The following ITGAM variants were observed in gnomAD, a reference collection of about 807,000 sequenced individuals.
The protein encoded by ITGAM is integrin alpha-M.
Under a neutral mutation model 137.5 loss-of-function variants are expected in ITGAM, and 79 were observed. That is an observed-to-expected ratio of 0.57 (90% CI 0.48 to 0.69). The LOEUF (loss-of-function observed/expected upper bound fraction) is 0.69. Ranked by LOEUF, ITGAM falls within the 30% of genes least tolerant of loss-of-function variation. The pLI, the probability that ITGAM is intolerant of heterozygous loss-of-function variation, is 0.00. For missense variants in ITGAM, 1,343 were observed against 1,483.5 expected (o/e 0.91, Z 1.56); for synonymous variants, 583 against 592.3 (o/e 0.98, Z 0.23).
At chr16:31,329,536 C>T (rs993488770) in intron 24 of ITGAM, among the ~76,000 whole-genome samples, 5 of 152,180 alleles carry the variant, frequency 3.3e-5, no homozygotes, top group South Asian at 2.1e-4. Flanking sequence ...CTGTCATGAT[C>T]CCCAGTTTAC....
At chr16:31,328,004 C>T in intron 22 of ITGAM, 143 bp from the exon 23 acceptor site, 1 of 672,844 alleles carries the variant, frequency 1.5e-6, no homozygotes. Flanking sequence ...TAGGCGGGGG[C>T]AGGGGTTGGA....
intron 2 of ITGAM, among the ~76,000 whole-genome samples, chr16:31,262,000 TC>T (rs1413481194): frequency 1.3e-5 from 2 of 152,122 alleles, no homozygotes; most frequent in Non-Finnish European, 2.9e-5. Flanking sequence ...CTTACTCCCT[TC>T]CCCTAGTTCC....
At chr16:31,329,342 G>A (rs1334014963) in intron 24 of ITGAM, 39 bp downstream of exon 24, 6 of 1,429,104 alleles carry the variant, frequency 4.2e-6, no homozygotes, top group Non-Finnish European at 4.9e-6. Flanking sequence ...GAAGGAGGCT[G>A]GGGAGGAAAA....
chr16:31,280,539 GTC>G (rs1283394036), intron 12 of ITGAM, among the ~76,000 whole-genome samples: 1 of 152,136 alleles, frequency 6.6e-6, no homozygotes, highest in Non-Finnish European at 1.5e-5. Context: ...CTCTCTGTTT[GTC>G]TGTTATTGGT....
intron 28 of ITGAM, 52 bp downstream of exon 28, chr16:31,330,657 T>C: frequency 7.8e-7 from 1 of 1,281,930 alleles, no homozygotes; most frequent in Non-Finnish European, 1.1e-6. Context: ...GCTGCGCTTG[T>C]GGAGATTTCT....
In ITGAM at chr16:31,325,609, C is replaced by T. The variant is rs769730321; in HGVS notation, c.2615C>T (p.Pro872Leu). The T allele has an allele frequency of 4.3e-6, 7 of 1,613,652 alleles. No individual in the cohort carries two copies. The highest frequency in any genetic ancestry group is 2.7e-5 in the African/African-American group (2 of 74,878). ...TGCAGCATAAACCACCCCATCTTCCCGGAAAACTCAGAGGTCAGAACTCCT... is the reference window on the plus strand; with the variant it reads ...TGCAGCATAAACCACCCCATCTTCCTGGAAAACTCAGAGGTCAGAACTCCT... Reference protein sequence around the residue: ...TSCSINHPIFPENSEVTFNIT... With the variant: ...TSCSINHPIFLENSEVTFNIT... The change falls in exon 21 of 30, where the codon CCG (proline) becomes CTG (leucine). Residue 872 changes from proline (P) to leucine (L), a missense_variant. Transcript: ENST00000544665.
At chr16:31,315,738 C>T (rs945828721) in intron 14 of ITGAM, among the ~76,000 whole-genome samples, 4 of 152,070 alleles carry the variant, frequency 2.6e-5, no homozygotes, top group East Asian at 2.0e-4. Context: ...GGATTACAGG[C>T]GTGAGCCACT....
In ITGAM at chr16:31,270,743, A is replaced by AT. The variant is rs1475429642; in HGVS notation, c.428-210dup. On this transcript the variant is annotated intron_variant, in intron 5 of 29. Coordinates refer to ENST00000544665, the MANE Select transcript of ITGAM (RefSeq NM_000632.4). ...TATATATATATATATATATATATAT[A>AT]TGTTTTTAACGTGTGTATACATATA... Among the ~76,000 whole-genome samples, 404 of 106,152 alleles carry AT rather than the reference A, an allele frequency of 3.8e-3. 5 individuals carry two copies. Among genetic ancestry groups the AT allele is most frequent in the Non-Finnish European group, 5.2e-3 (292 of 55,920 alleles). The allele number at this position is 106,152 out of a possible 152,430, so 69.6% of individuals were successfully genotyped here.
intron 7 of ITGAM, among the ~76,000 whole-genome samples, chr16:31,272,451 ATATATATATATATTTTTTTTTTTTTTT>A (rs2079857468): frequency 2.4e-4 from 3 of 12,524 alleles, no homozygotes; most frequent in African/African-American, 1.2e-3. Context: ...ATATATATAT[ATATATATATATATTTTTTTTTTTTTTT>A]TTTTTTTTTT....
chr16:31,331,064 A>G (rs1159156719), intron 28 of ITGAM, 101 bp from the exon 29 acceptor site: 3 of 652,494 alleles, frequency 4.6e-6, no homozygotes, highest in South Asian at 3.6e-5. Context: ...GGGGGACATG[A>G]GGAGGGGTTC....
intron 12 of ITGAM, among the ~76,000 whole-genome samples, chr16:31,278,571 T>C (rs892259366): frequency 6.6e-6 from 1 of 152,150 alleles, no homozygotes; most frequent in African/African-American, 2.4e-5. Flanking sequence ...GCTCAGTACC[T>C]GTGCAGCTCC....
Position 31,330,488 on chromosome 16 carries a change from C to T in ITGAM, c.3175-16C>T, listed in dbSNP as rs940164354. The T allele has an allele frequency of 3.1e-6, 5 of 1,613,180 alleles. No homozygotes were observed. The African/African-American group carries it at 5.3e-5, about 17-fold the overall frequency. Reference sequence around the variant, plus strand: ...CTCAGGGCCCAGGTGCAGTGCCCACCCGCTCTCTTCCACAGACCTCGCATA... The same window carrying T: ...CTCAGGGCCCAGGTGCAGTGCCCACTCGCTCTCTTCCACAGACCTCGCATA... On this transcript the variant is annotated splice_polypyrimidine_tract_variant and intron_variant, in intron 27 of 29. Coordinates refer to ENST00000544665, the MANE Select transcript of ITGAM (RefSeq NM_000632.4).
chr16:31,321,512 G>A lies in ITGAM; in HGVS notation c.1887G>A (p.Arg629=), dbSNP rs1194477033. ...RVKAIMEFNP[R]EVARNVFECN... ...AGGCAATCATGGAGTTCAATCCCAG[G>A]GAAGTGGCAAGGAATGTATTTGAGT... The change falls in exon 16 of 30, where the codon AGG becomes AGA. Residue 629 remains arginine, a synonymous_variant. Coordinates refer to ENST00000544665, the MANE Select transcript of ITGAM (RefSeq NM_000632.4). 6.2e-7 allele frequency: 1 copy of A among 1,614,036 alleles called. No homozygotes were observed. Among genetic ancestry groups the A allele is most frequent in the Non-Finnish European group, 8.5e-7 (1 of 1,179,904 alleles).
At chr16:31,300,150 T>C (rs557335072) in intron 14 of ITGAM, among the ~76,000 whole-genome samples, 50 of 152,274 alleles carry the variant, frequency 3.3e-4, no homozygotes, top group African/African-American at 1.1e-3. Flanking sequence ...CATCATTTCC[T>C]GGTAGAGAGG....
chr16:31,272,453 ATATATATATATT>A (rs2079857787), intron 7 of ITGAM, among the ~76,000 whole-genome samples: 1 of 12,206 alleles, frequency 8.2e-5, no homozygotes, highest in South Asian at 3.9e-3. Context: ...ATATATATAT[ATATATATATATT>A]TTTTTTTTTT....
At chr16:31,307,272 C>A (rs1051282190) in intron 14 of ITGAM, among the ~76,000 whole-genome samples, 1 of 152,134 alleles carries the variant, frequency 6.6e-6, no homozygotes, top group Non-Finnish European at 1.5e-5. Flanking sequence ...ATTCTTCCTA[C>A]CCACGAGCAT....
At position 31,325,389 on chromosome 16, in the gene ITGAM, G is replaced by A. The variant is rs752584933; in HGVS notation, c.2490G>A (p.Lys830=). The change falls in exon 20 of 30, where the codon AAG becomes AAA. Residue 830 remains lysine (K), a synonymous_variant. Coordinates refer to ENST00000544665, the MANE Select transcript of ITGAM (RefSeq NM_000632.4). The part of the protein sequence containing the change: ...FFFPLDLSYR[K]VSTLQNQRSQ... ...TCCCGCTTGACCTGTCCTACCGGAA[G>A]GTGTCCACGCTCCAGGTAGCCACAT... 4 of 1,613,454 alleles carry A rather than the reference G, an allele frequency of 2.5e-6. No individual in the cohort carries two copies. The highest frequency in any genetic ancestry group is 2.2e-5 in the East Asian group (1 of 44,894).
intron 5 of ITGAM, among the ~76,000 whole-genome samples, chr16:31,266,435 A>AC (rs1344252536): frequency 1.3e-5 from 2 of 151,168 alleles, no homozygotes; most frequent in East Asian, 3.9e-4. Flanking sequence ...AAAAAAAAAA[A>AC]AATTAGCTGA....
chr16:31,319,688 C>T lies in ITGAM; in HGVS notation c.1708-1553C>T, dbSNP rs761225575. The stretch of plus-strand genomic sequence containing the variant: ...TTGATAGAGAAGGATTTACTACTGC[C>T]ATTTTGTTAATTGTTTTCTGTTAGT... On this transcript the variant is annotated intron_variant, in intron 14 of 29. Coordinates refer to ENST00000544665, the MANE Select transcript of ITGAM (RefSeq NM_000632.4). Among the ~76,000 whole-genome samples the T allele has an allele frequency of 9.1e-4, 138 of 152,140 alleles. 2 individuals are homozygous for T. The highest frequency in any genetic ancestry group is 2.6e-4 in the Non-Finnish European group (18 of 68,034).
Sources: gnomAD v4.1 joint callset for allele counts (sites outside exome capture counted in the v4.1 genomes callset) on GRCh38, gnomAD v4.1.1 for gene constraint, MANE v1.5 for transcripts, NCBI Gene and HGNC (gene_info 2026-07-23, HGNC 2026-07-21) for gene names.